The following SHROOM3 variants were observed in gnomAD, a reference collection of about 807,000 sequenced individuals.
SHROOM3 encodes the protein shroom family member 3.
SHROOM3 carries 47 observed loss-of-function variants against 138.6 expected under a neutral mutation model. The observed-to-expected ratio is 0.34, with a 90% CI of 0.27 to 0.43. The LOEUF (loss-of-function observed/expected upper bound fraction) is 0.43, where lower values mean the gene tolerates loss of function less well. Among genes scored for constraint, SHROOM3 ranks in the 20% least tolerant of loss-of-function variants. SHROOM3 has a pLI of 1.00. For synonymous variants in SHROOM3, 1,062 were observed against 1,063.3 expected (o/e 1.00, Z 0.02); for missense variants, 2,491 against 2,596.5 (o/e 0.96, Z 0.88).
At chr4:76,555,208 CA>C (rs1252228039) in intron 1 of SHROOM3, among the ~76,000 whole-genome samples, 1 of 152,138 alleles carries the variant, frequency 6.6e-6, no homozygotes, top group Non-Finnish European at 1.5e-5. Flanking sequence ...TTGTCTTCCA[CA>C]AAACTGGTCC....
At chr4:76,610,168 A>G (rs1419962358) in intron 2 of SHROOM3, among the ~76,000 whole-genome samples, 3 of 152,362 alleles carry the variant, frequency 2.0e-5, no homozygotes, top group East Asian at 3.9e-4. Flanking sequence ...TGTAAAACTA[A>G]AAGAGAAGAT....
chr4:76,774,720 G>GTT (rs71212453), intron 10 of SHROOM3, among the ~76,000 whole-genome samples: 2 of 112,248 alleles, frequency 1.8e-5, no homozygotes. Flanking sequence ...TTTTTTTTTT[G>GTT]TTTTTTTTTT....
intron 2 of SHROOM3, chr4:76,688,227 C>T (rs1333179554): frequency 4.3e-6 from 1 of 232,936 alleles, no homozygotes; most frequent in East Asian, 1.8e-4. Flanking sequence ...ATAGGTAAAA[C>T]AAAATACAAT....
At chr4:76,767,135 C>T (rs1264586086) in intron 9 of SHROOM3, among the ~76,000 whole-genome samples, 2 of 152,088 alleles carry the variant, frequency 1.3e-5, no homozygotes, top group Non-Finnish European at 2.9e-5. Flanking sequence ...GTTTGAAGCC[C>T]GATTGCAGTT....
intron 2 of SHROOM3, among the ~76,000 whole-genome samples, chr4:76,691,511 C>T (rs989757665): frequency 3.3e-5 from 5 of 152,120 alleles, no homozygotes; most frequent in Non-Finnish European, 4.4e-5. Context: ...GTAACAGATA[C>T]GTTAAATTAT....
At chr4:76,531,898 C>T (rs932087500) in intron 1 of SHROOM3, among the ~76,000 whole-genome samples, 4 of 136,692 alleles carry the variant, frequency 2.9e-5, no homozygotes, top group South Asian at 2.6e-4. Flanking sequence ...CTTTGCCTGC[C>T]AAGTTGCTCT....
At chr4:76,585,399 G>A (rs569491668) in intron 2 of SHROOM3, among the ~76,000 whole-genome samples, 25 of 152,198 alleles carry the variant, frequency 1.6e-4, no homozygotes, top group Admixed American at 1.4e-3. Context: ...TTTTCTTTCT[G>A]TGTGTGCTGT....
At position 76,560,999 on chromosome 4, in the gene SHROOM3, T is replaced by C. The variant is rs6840614; in HGVS notation, c.323+5236T>C. ...ACAAGTTGCATATTTGTTAAGTAAA[T>C]TATCTCTTTGACAAGTTCCACCTTA... On this transcript the variant is annotated intron_variant, in intron 2 of 10. Transcript: ENST00000296043. Among the ~76,000 whole-genome samples, 850 of 152,332 alleles carry C rather than the reference T, an allele frequency of 5.6e-3. 11 individuals are homozygous for C. Among genetic ancestry groups the C allele is most frequent in the African/African-American group, 0.019 (810 of 41,572 alleles).
chr4:76,741,440 C>G lies in SHROOM3; in HGVS notation c.3267C>G (p.Tyr1089Ter). The G allele has an allele frequency of 6.3e-7, 1 of 1,587,148 alleles. No homozygotes were observed. The highest frequency in any genetic ancestry group is 1.8e-5 in the Admixed American group (1 of 56,848). ...TCCAGCAGAGCGCCCTGGCGGACTACATCCAGCGCAAGACCGGCAAGCGGC... is the reference window on the plus strand; with the variant it reads ...TCCAGCAGAGCGCCCTGGCGGACTAGATCCAGCGCAAGACCGGCAAGCGGC... Reference protein sequence around the residue: ...KQFQQSALADYIQRKTGKRPT... With the variant: ...KQFQQSALAD Residue 1089 changes from tyrosine to a stop codon, truncating the protein, a stop_gained, in exon 5 of 11, where the codon TAC becomes TAG. Transcript: ENST00000296043. LOFTEE classifies it high-confidence loss of function. The surrounding 1 kb of genome is among the most constrained non-coding windows in gnomAD (Gnocchi z 6.2).
intron 2 of SHROOM3, among the ~76,000 whole-genome samples, chr4:76,641,448 G>T (rs1735665909): frequency 6.6e-6 from 1 of 152,162 alleles, no homozygotes; most frequent in Non-Finnish European, 1.5e-5. Flanking sequence ...ACACAGGCCT[G>T]TATGCCCATA....
intron 1 of SHROOM3, among the ~76,000 whole-genome samples, chr4:76,549,663 G>A (rs1015192564): frequency 1.3e-5 from 2 of 152,018 alleles, no homozygotes; most frequent in East Asian, 3.9e-4. Context: ...CACTGCGCCC[G>A]GCAGTGGCTT....
At chr4:76,737,674 C>T (rs1282736794) in intron 4 of SHROOM3, among the ~76,000 whole-genome samples, 1 of 151,852 alleles carries the variant, frequency 6.6e-6, no homozygotes, top group Non-Finnish European at 1.5e-5. Context: ...TTTGTTTTTG[C>T]CTATGACAGA....
intron 1 of SHROOM3, among the ~76,000 whole-genome samples, chr4:76,462,940 G>C (rs1196388959): frequency 6.6e-6 from 1 of 152,138 alleles, no homozygotes; most frequent in Non-Finnish European, 1.5e-5. Context: ...CTTTATAGCA[G>C]TGCGAGAATG....
intron 1 of SHROOM3, among the ~76,000 whole-genome samples, chr4:76,457,580 C>T (rs886618640): frequency 4.6e-5 from 7 of 151,710 alleles, no homozygotes; most frequent in African/African-American, 1.7e-4. Flanking sequence ...AAACCTCTGC[C>T]TCCTGGGTTC....
intron 9 of SHROOM3, among the ~76,000 whole-genome samples, chr4:76,760,739 C>A (rs1030290610): frequency 6.6e-6 from 1 of 152,198 alleles, no homozygotes; most frequent in Non-Finnish European, 1.5e-5. Context: ...TATTTACATA[C>A]TTGTCATTGT....
intron 8 of SHROOM3, among the ~76,000 whole-genome samples, chr4:76,757,684 G>A (rs781274531): frequency 8.5e-5 from 13 of 152,196 alleles, no homozygotes; most frequent in African/African-American, 1.9e-4. Flanking sequence ...GGCCCAGTCC[G>A]TGAGCCTCTG....
chr4:76,626,768 A>G (rs1340092254), intron 2 of SHROOM3, among the ~76,000 whole-genome samples: 3 of 152,230 alleles, frequency 2.0e-5, no homozygotes, highest in Non-Finnish European at 4.4e-5. Flanking sequence ...AATCTAGGAT[A>G]TGAAACTTGG....
intron 2 of SHROOM3, chr4:76,645,748 TA>T (rs1735799696): frequency 6.6e-6 from 1 of 152,176 alleles, no homozygotes; most frequent in African/African-American, 2.4e-5. Context: ...CCTAGATTCT[TA>T]AAACCATTCA....
At chr4:76,695,275 A>G (rs899975523) in intron 2 of SHROOM3, among the ~76,000 whole-genome samples, 12 of 152,294 alleles carry the variant, frequency 7.9e-5, no homozygotes, top group African/African-American at 2.6e-4. Context: ...CTTACCCCCA[A>G]TGACTCCAAT....
Sources: gnomAD v4.1 joint callset for allele counts (sites outside exome capture counted in the v4.1 genomes callset) on GRCh38, gnomAD v4.1.1 for gene constraint, Gnocchi (gnomAD v3.1) non-coding constraint, MANE v1.5 for transcripts, NCBI Gene and HGNC (gene_info 2026-07-23, HGNC 2026-07-21) for gene names.